Variants in EWSR1 observed in about 807,000 individuals in gnomAD.
EWSR1 encodes the protein EWS RNA binding protein 1.
Under a neutral mutation model 92.1 loss-of-function variants are expected in EWSR1, and 14 were observed. The ratio of observed to expected loss-of-function variants is 0.15; its 90% CI spans 0.10 to 0.24. The LOEUF (loss-of-function observed/expected upper bound fraction) is 0.24. EWSR1 is among the 10% of genes least tolerant of loss of function. The probability of loss-of-function intolerance (pLI) is 1.00; values close to 1 mark genes in which losing one functional copy is unlikely to be tolerated. For synonymous variants in EWSR1, 303 were observed against 292.9 expected, an observed-to-expected ratio of 1.03 and a Z score of -0.35; for missense variants, 637 against 870.9, an observed-to-expected ratio of 0.73 and a Z score of 3.38.
rs182933246 is a variant in EWSR1, at chr22:29,290,674, T to C, written c.975-888T>C. The C allele has an allele frequency of 1.3e-5, 18 of 1,374,348 alleles. No individual in the cohort carries two copies. In the Admixed American group the frequency reaches 4.3e-4, roughly 33 times the overall value. The allele number at this position is 1,374,348 out of a possible 1,614,324, so 85.1% of individuals were successfully genotyped here. A position where few individuals can be genotyped will look rare whatever the true frequency, so the allele number is the denominator to read the frequency against. ...TTGTGTAACATTAAAGTGTAAACTTTTGTGTTTAAAGAGAGAGAACATTTT... is the reference window on the plus strand; with the variant it reads ...TTGTGTAACATTAAAGTGTAAACTTCTGTGTTTAAAGAGAGAGAACATTTT... On this transcript the variant is annotated intron_variant, in intron 8 of 16. Coordinates refer to ENST00000397938, the MANE Select transcript of EWSR1 (RefSeq NM_005243.4).
Position 29,297,832 on chromosome 22 carries a change from G to C in EWSR1, c.1300G>C (p.Asp434His). Reference sequence around the variant, plus strand: ...GTTCTGTTGTCTTGTTCCAGGGAAAGATTTTCAAGGGAGCAAACTTAAAGT... The same window carrying C: ...GTTCTGTTGTCTTGTTCCAGGGAAACATTTTCAAGGGAGCAAACTTAAAGT... ...KAAVEWFDGK[D>H]FQGSKLKVSL... Residue 434 changes from aspartate (D) to histidine (H), a missense_variant, in exon 13 of 17, where the codon GAT becomes CAT. By Grantham distance (81) the Asp-to-His change is moderately conservative. Transcript: ENST00000397938. The C allele has an allele frequency of 6.2e-7, 1 of 1,613,992 alleles. No individual in the cohort carries two copies. The highest frequency in any genetic ancestry group is 8.5e-7 in the Non-Finnish European group (1 of 1,179,960).
At chr22:29,283,843 GTTTGT>G (rs2059811439) in intron 6 of EWSR1, among the ~76,000 whole-genome samples, 1 of 130,154 alleles carries the variant, frequency 7.7e-6, no homozygotes, top group Admixed American at 7.5e-5. Context: ...CAGTTTGTTT[GTTTGT>G]TTTGAGATGG....
intron 4 of EWSR1, chr22:29,275,868 A>G (rs1490431053): frequency 8.6e-6 from 2 of 231,714 alleles, no homozygotes; most frequent in Non-Finnish European, 1.7e-5. Context: ...TTTTTCCTTC[A>G]AGTTGTCAGC....
chr22:29,287,471 G>A (rs573906377), intron 7 of EWSR1, among the ~76,000 whole-genome samples: 7 of 152,324 alleles, frequency 4.6e-5, no homozygotes, highest in African/African-American at 1.7e-4. Context: ...GCCACCCAGA[G>A]TGTTGGGATT....
In EWSR1 at chr22:29,296,271, C is replaced by A; in HGVS notation, c.1197C>A (p.His399Gln). 1 of 1,614,198 alleles carries A rather than the reference C, an allele frequency of 6.2e-7. No homozygotes were observed. Among genetic ancestry groups the A allele is most frequent in the Non-Finnish European group, 8.5e-7 (1 of 1,180,018 alleles). Residue 399 changes from histidine (H) to glutamine (Q), a missense_variant, in exon 12 of 17, where the codon CAC becomes CAA. Coordinates refer to ENST00000397938, the MANE Select transcript of EWSR1 (RefSeq NM_005243.4). ...MNKRTGQPMI[H>Q]IYLDKETGKP... ...AGAGAACTGGGCAACCCATGATCCA[C>A]ATCTACCTGGACAAGGAAACAGGAA...
At position 29,300,191 on chromosome 22, in the gene EWSR1, T is replaced by A. The variant is rs778310719; in HGVS notation, c.*30T>A. On this transcript the variant is annotated 3_prime_UTR_variant, in exon 17 of 17. Coordinates refer to ENST00000397938, the MANE Select transcript of EWSR1 (RefSeq NM_005243.4). ...AGAGACCCCGCAGAGCTGCATTGAC[T>A]ACCAGATTTATTTTTTAAACCAGAA... is the stretch of plus-strand genomic sequence containing the variant. 1 of 1,598,082 alleles carries A rather than the reference T, an allele frequency of 6.3e-7. No homozygotes were observed. Among genetic ancestry groups the A allele is most frequent in the South Asian group, 1.1e-5 (1 of 89,750 alleles).
intron 8 of EWSR1, chr22:29,291,131 C>G (rs772380708): frequency 4.1e-6 from 1 of 242,384 alleles, no homozygotes; most frequent in African/African-American, 2.2e-5. Flanking sequence ...TTAGGAAACC[C>G]TGGGCCTCAT....
intron 11 of EWSR1, among the ~76,000 whole-genome samples, chr22:29,294,913 A>G (rs1464524859): frequency 6.7e-6 from 1 of 148,692 alleles, no homozygotes. Context: ...CTCCATCTCA[A>G]AAAAAAAAAG....
intron 11 of EWSR1, among the ~76,000 whole-genome samples, chr22:29,294,760 A>G (rs2060717451): frequency 1.3e-5 from 2 of 151,910 alleles, no homozygotes; most frequent in Non-Finnish European, 2.9e-5. Context: ...CTAAAAATAC[A>G]GAAATTAGCC....
At chr22:29,286,525 AAAAAC>A (rs1402023370) in intron 6 of EWSR1, among the ~76,000 whole-genome samples, 1 of 151,772 alleles carries the variant, frequency 6.6e-6, no homozygotes, top group Non-Finnish European at 1.5e-5. Flanking sequence ...TGTCTCTACT[AAAAAC>A]AAAAAAACTA....
rs765008447 is a variant in EWSR1 at position 29,273,757 on chromosome 22, G to A, written c.119G>A (p.Ser40Asn). The A allele has an allele frequency of 1.2e-6, 2 of 1,612,982 alleles. No homozygotes were observed. The highest frequency in any genetic ancestry group is 1.7e-6 in the Non-Finnish European group (2 of 1,179,754). ...AQTTQAYGQQ[S>N]YGTYGQPTDV... ...TTGGAGCAGGCATATGGGCAACAAAGCTATGGAACCTATGGACAGCCCACT... is the reference window on the plus strand; with the variant it reads ...TTGGAGCAGGCATATGGGCAACAAAACTATGGAACCTATGGACAGCCCACT... The change falls in exon 4 of 17, where the codon AGC (serine) becomes AAC (asparagine). Residue 40 changes from serine (S) to asparagine (N), a missense_variant. By Grantham distance (46) the Ser-to-Asn change is conservative. Transcript: ENST00000397938.
At chr22:29,291,908 G>A (rs1292381832) in intron 9 of EWSR1, 3 of 584,544 alleles carry the variant, frequency 5.1e-6, no homozygotes, top group Non-Finnish European at 9.1e-6. Flanking sequence ...CATTGAGAGT[G>A]TATTTGGTTA....
At chr22:29,298,234 A>G (rs976368092) in intron 13 of EWSR1, among the ~76,000 whole-genome samples, 1 of 152,150 alleles carries the variant, frequency 6.6e-6, no homozygotes, top group African/African-American at 2.4e-5. Flanking sequence ...AGCCAGGTGC[A>G]GTGGCTCACG....
chr22:29,300,008 T>C, intron 16 of EWSR1, 114 bp from the exon 17 acceptor site: 1 of 707,806 alleles, frequency 1.4e-6, no homozygotes, highest in Non-Finnish European at 1.9e-6. Context: ...AAGGGCTTCC[T>C]CACCCCTTCC....
intron 1 of EWSR1, 105 bp from the exon 2 acceptor site, chr22:29,272,111 T>A: frequency 9.7e-7 from 1 of 1,032,786 alleles, no homozygotes. Context: ...CAGGTCTCCC[T>A]ACAGTTTAAA....
chr22:29,277,046 G>A (rs755548310), intron 4 of EWSR1: 5 of 230,586 alleles, frequency 2.2e-5, no homozygotes, highest in Non-Finnish European at 4.3e-5. Context: ...AGACTTTCGT[G>A]GTTTTGGTCA....
rs148306186 is a variant in EWSR1 at position 29,276,841 on chromosome 22, G to A, written c.227-1189G>A. ...AAGTTTGTTTATTTTTTGTAGAGGCGAGGTCTCACTATATTGCCCAGGGTG... is the reference window on the plus strand; with the variant it reads ...AAGTTTGTTTATTTTTTGTAGAGGCAAGGTCTCACTATATTGCCCAGGGTG... On this transcript the variant is annotated intron_variant, in intron 4 of 16. Coordinates refer to ENST00000397938, the MANE Select transcript of EWSR1 (RefSeq NM_005243.4). 317 of 231,088 alleles carry A rather than the reference G, an allele frequency of 1.4e-3. 6 individuals are homozygous for A. In the Admixed American group the frequency reaches 0.016, roughly 12 times the overall value. The allele number at this position is 231,088 out of a possible 1,614,324, so 14.3% of individuals were successfully genotyped here.
chr22:29,274,393 TCACA>T (rs2058939555), intron 4 of EWSR1: 1 of 1,194,424 alleles, frequency 8.4e-7, no homozygotes. Context: ...CTTTCTAACA[TCACA>T]CACAGCAAGG....
At chr22:29,290,759 C>A in intron 8 of EWSR1, 1 of 1,087,952 alleles carries the variant, frequency 9.2e-7, no homozygotes, top group Non-Finnish European at 1.2e-6. Context: ...ATTGTATATT[C>A]AGGTATTAAA....
Sources: gnomAD v4.1 joint callset for allele counts (sites outside exome capture counted in the v4.1 genomes callset) on GRCh38, gnomAD v4.1.1 for gene constraint, MANE v1.5 for transcripts, NCBI Gene and HGNC (gene_info 2026-07-23, HGNC 2026-07-21) for gene names.